SBNO1: variants seen among roughly 807,000 people sequenced by gnomAD.
The protein encoded by SBNO1 is protein strawberry notch homolog 1.
In SBNO1, 23 loss-of-function variants were observed where a neutral mutation model predicts 173.6. That is an observed-to-expected ratio of 0.13 (90% CI 0.10 to 0.19). The LOEUF is 0.19. Ranked by LOEUF, SBNO1 falls within the 10% of genes least tolerant of loss-of-function variation. The probability of loss-of-function intolerance (pLI) is 1.00; values close to 1 mark genes in which losing one functional copy is unlikely to be tolerated. For synonymous variants in SBNO1, 632 were observed against 571.5 expected (o/e 1.11, Z -1.51); for missense variants, 1,238 against 1,671.2 (o/e 0.74, Z 4.52).
rs762522781 is a variant in SBNO1 at position 123,293,419 on chromosome 12, C to CAA, written c.*2487_*2488dup. ...GAATGCTGAAGCTTCACAGGGCGGCCAAACTAACTCGCTGATTTTTGCAAG... is the reference window on the plus strand; with the variant it reads ...GAATGCTGAAGCTTCACAGGGCGGCCAAAAACTAACTCGCTGATTTTTGCAAG... On this transcript the variant is annotated 3_prime_UTR_variant, in exon 32 of 32. Transcript: ENST00000602398. The CAA allele has an allele frequency of 6.6e-6, 1 of 152,126 alleles. No homozygotes were observed. Among genetic ancestry groups the CAA allele is most frequent in the Non-Finnish European group, 1.5e-5 (1 of 68,038 alleles). The allele number at this position is 152,126 out of a possible 1,614,324, so 9.4% of individuals were successfully genotyped here.
Position 123,292,724 on chromosome 12 carries a change from AC to A in SBNO1, c.*3183del, listed in dbSNP as rs2048529951. Reference sequence around the variant, plus strand: ...AATAAATATATATAGATACATACACACACTACATTGCTTTGGATGCAGGTTC... The same window carrying A: ...AATAAATATATATAGATACATACACAACTACATTGCTTTGGATGCAGGTTC... On this transcript the variant is annotated 3_prime_UTR_variant, in exon 32 of 32. Coordinates refer to ENST00000602398, the MANE Select transcript of SBNO1 (RefSeq NM_001167856.3). The A allele has an allele frequency of 6.6e-6, 1 of 152,208 alleles. No homozygotes were observed. The highest frequency in any genetic ancestry group is 2.4e-5 in the African/African-American group (1 of 41,458). The allele number at this position is 152,208 out of a possible 1,614,324, so 9.4% of individuals were successfully genotyped here.
At chr12:123,364,417 G>C in intron 1 of SBNO1, 1 of 985,500 alleles carries the variant, frequency 1.0e-6, no homozygotes, top group Non-Finnish European at 1.2e-6. Flanking sequence ...CTCCGGCCCG[G>C]GACAGCGGGG....
In SBNO1 at chr12:123,354,473, C is replaced by CT. The variant is rs1356799377; in HGVS notation, c.1-4033dup. ...AACGGGCACAAATTCTCTATTTGTT[C>CT]TTTTTTTGCAGGGTGAAGGAGGGAA... On this transcript the variant is annotated intron_variant, in intron 1 of 31. Coordinates refer to ENST00000602398, the MANE Select transcript of SBNO1 (RefSeq NM_001167856.3). 3.9e-5 allele frequency among the ~76,000 whole-genome samples: 6 copies of CT among 152,010 alleles called. No homozygotes were observed. The East Asian group carries it at 1.2e-3, about 29-fold the overall frequency.
chr12:123,297,671 T>A (rs941530116), intron 31 of SBNO1, among the ~76,000 whole-genome samples: 8 of 151,974 alleles, frequency 5.3e-5, no homozygotes, highest in Non-Finnish European at 8.8e-5. Flanking sequence ...GGAGAACTCC[T>A]GGGCAAGAGG....
chr12:123,334,719 A>G (rs553478209), intron 6 of SBNO1, among the ~76,000 whole-genome samples: 1 of 151,792 alleles, frequency 6.6e-6, no homozygotes, highest in African/African-American at 2.4e-5. Flanking sequence ...AAAAATAAAT[A>G]AATAAAATTA....
chr12:123,294,162 T>C lies in SBNO1; in HGVS notation c.*1746A>G, dbSNP rs2048550653. ...GCCAAAGAACAGAAAGTACTTTCAA[T>C]TTATTCTTTTAGGCACCAAGAATAA... On this transcript the variant is annotated 3_prime_UTR_variant, in exon 32 of 32. Coordinates refer to ENST00000602398, the MANE Select transcript of SBNO1 (RefSeq NM_001167856.3). 6.6e-6 allele frequency: 1 copy of C among 152,208 alleles called. No homozygotes were observed. The highest frequency in any genetic ancestry group is 2.1e-4 in the South Asian group (1 of 4,832). The allele number at this position is 152,208 out of a possible 1,614,324, so 9.4% of individuals were successfully genotyped here. A position where few individuals can be genotyped will look rare whatever the true frequency, so the allele number is the denominator to read the frequency against.
At chr12:123,333,016 C>A (rs11611677) in intron 7 of SBNO1, among the ~76,000 whole-genome samples, 80,279 of 151,652 alleles carry the variant, frequency 0.53, 25,376 homozygotes, top group East Asian at 0.71. Context: ...CCCAGCTACT[C>A]GGGAGGCTGA....
chr12:123,316,504 G>A (rs943159906), intron 21 of SBNO1, among the ~76,000 whole-genome samples: 8 of 151,406 alleles, frequency 5.3e-5, no homozygotes, highest in Non-Finnish European at 8.9e-5. Context: ...GATTACAGGC[G>A]TGAGCCGCTG....
intron 6 of SBNO1, among the ~76,000 whole-genome samples, chr12:123,334,429 C>G (rs1229145013): frequency 6.6e-6 from 1 of 152,134 alleles, no homozygotes; most frequent in Non-Finnish European, 1.5e-5. Flanking sequence ...GAGATTTGGG[C>G]CAGGTGGGTG....
At position 123,290,425 on chromosome 12, in the gene SBNO1, C is replaced by T. The variant is rs1358053671; in HGVS notation, c.*5483G>A. 6.6e-6 allele frequency: 1 copy of T among 152,116 alleles called. No homozygotes were observed. Among genetic ancestry groups the T allele is most frequent in the African/African-American group, 2.4e-5 (1 of 41,450 alleles). The allele number at this position is 152,116 out of a possible 1,614,324, so 9.4% of individuals were successfully genotyped here. A position where few individuals can be genotyped will look rare whatever the true frequency, so the allele number is the denominator to read the frequency against. On this transcript the variant is annotated 3_prime_UTR_variant, in exon 32 of 32. Transcript: ENST00000602398. ...ATAAAGGAACATTTTCTTACAGGTGCAAAATTGTGAACAAATACCCAATGT... is the reference window on the plus strand; with the variant it reads ...ATAAAGGAACATTTTCTTACAGGTGTAAAATTGTGAACAAATACCCAATGT...
intron 2 of SBNO1, among the ~76,000 whole-genome samples, chr12:123,349,614 C>G (rs536318061): frequency 7.1e-6 from 1 of 140,840 alleles, no homozygotes; most frequent in East Asian, 1.9e-4. Context: ...AAAATGAATA[C>G]TCAACATAAA....
At chr12:123,350,185 T>A (rs1873713154) in intron 2 of SBNO1, 125 bp downstream of exon 2, 1 of 1,086,696 alleles carries the variant, frequency 9.2e-7, no homozygotes, top group Non-Finnish European at 1.3e-6. Context: ...GCCTGGGAGG[T>A]TGAGGCTTCA....
intron 7 of SBNO1, among the ~76,000 whole-genome samples, chr12:123,332,130 C>T (rs1283562838): frequency 1.3e-5 from 2 of 151,922 alleles, no homozygotes; most frequent in Non-Finnish European, 2.9e-5. Flanking sequence ...ATTACAGGCA[C>T]GAGTCACCGC....
intron 30 of SBNO1, among the ~76,000 whole-genome samples, chr12:123,300,784 AC>A (rs1270632926): frequency 2.0e-5 from 3 of 151,386 alleles, no homozygotes; most frequent in Non-Finnish European, 4.4e-5. Context: ...ACATGGTAAA[AC>A]CCTGTCTCTA....
intron 30 of SBNO1, among the ~76,000 whole-genome samples, chr12:123,300,269 G>A (rs1210955926): frequency 6.6e-6 from 1 of 152,102 alleles, no homozygotes; most frequent in Non-Finnish European, 1.5e-5. Context: ...CTGTGTTGAG[G>A]AGGTTGGTCT....
At chr12:123,296,199 G>GC in intron 31 of SBNO1, 149 bp from the exon 32 acceptor site, 1 of 580,366 alleles carries the variant, frequency 1.7e-6, no homozygotes, top group Non-Finnish European at 3.1e-6. Context: ...AAATGAAATG[G>GC]CCATTGAGAT....
intron 13 of SBNO1, among the ~76,000 whole-genome samples, chr12:123,327,100 G>A (rs572675343): frequency 6.6e-6 from 1 of 152,100 alleles, no homozygotes; most frequent in Admixed American, 6.5e-5. Flanking sequence ...CCGCCTCCTG[G>A]GTTCAAGCGA....
chr12:123,331,473 T>C, intron 7 of SBNO1, 98 bp from the exon 8 acceptor site: 1 of 1,125,892 alleles, frequency 8.9e-7, no homozygotes, highest in South Asian at 1.5e-5. Flanking sequence ...GTTATGTTTT[T>C]TGTTTTGTAT....
At chr12:123,315,814 A>G (rs1165029492) in intron 21 of SBNO1, among the ~76,000 whole-genome samples, 154 bp from the exon 22 acceptor site, 1 of 152,210 alleles carries the variant, frequency 6.6e-6, no homozygotes, top group Non-Finnish European at 1.5e-5. Context: ...AACACACATA[A>G]AACTGCTCAA....
Sources: gnomAD v4.1 joint callset for allele counts (sites outside exome capture counted in the v4.1 genomes callset) on GRCh38, gnomAD v4.1.1 for gene constraint, MANE v1.5 for transcripts, NCBI Gene and HGNC (gene_info 2026-07-23, HGNC 2026-07-21) for gene names.